Variants in GNAQ observed in about 807,000 individuals in gnomAD.
GNAQ encodes the protein guanine nucleotide-binding protein G(q) subunit alpha.
In GNAQ, 8 loss-of-function variants were observed where a neutral mutation model predicts 43.9. That is an observed-to-expected ratio of 0.18 (90% confidence interval 0.11 to 0.33). The LOEUF (loss-of-function observed/expected upper bound fraction) is 0.33. Ranked by LOEUF, GNAQ falls within the 10% of genes least tolerant of loss-of-function variation. GNAQ has a pLI of 1.00. For synonymous variants in GNAQ, 155 were observed against 170.7 expected (o/e 0.91, Z 0.71); for missense variants, 158 against 450.8 (o/e 0.35, Z 5.88).
rs543804443 is a variant in GNAQ, at chr9:77,837,718, G to T, written c.322-21948C>A. On this transcript the variant is annotated intron_variant, in intron 2 of 6. Coordinates refer to ENST00000286548, the MANE Select transcript of GNAQ (RefSeq NM_002072.5). Reference sequence around the variant, plus strand: ...TGAAAAGATGCTAAAATGAACACTGGAACTAAAAAGTAGATTGTAAAATAG... The same window carrying T: ...TGAAAAGATGCTAAAATGAACACTGTAACTAAAAAGTAGATTGTAAAATAG... Among the ~76,000 whole-genome samples the T allele has an allele frequency of 8.6e-5, 13 of 151,644 alleles. No homozygotes were observed. In the South Asian group the frequency reaches 2.5e-3, roughly 29 times the overall value.
rs541625774 is a variant in GNAQ, at chr9:77,922,361, T to C, written c.137-16A>G. On this transcript the variant is annotated splice_polypyrimidine_tract_variant and intron_variant, in intron 1 of 6. Coordinates refer to ENST00000286548, the MANE Select transcript of GNAQ (RefSeq NM_002072.5). The stretch of plus-strand genomic sequence containing the variant: ...TCTCCTGTCCCTGAAAGATGAACAA[T>C]AGCAGCTCATCAGACCACAGTGCCA... The C allele has an allele frequency of 9.4e-6, 15 of 1,594,570 alleles. No individual in the cohort carries two copies. Among genetic ancestry groups the C allele is most frequent in the African/African-American group, 6.7e-5 (5 of 74,628 alleles).
At chr9:77,882,762 G>C (rs1000813987) in intron 2 of GNAQ, among the ~76,000 whole-genome samples, 3 of 152,038 alleles carry the variant, frequency 2.0e-5, no homozygotes, top group African/African-American at 7.3e-5. Context: ...AATGACACTT[G>C]ATGGGATTTT....
intron 1 of GNAQ, among the ~76,000 whole-genome samples, chr9:77,966,828 A>G (rs951942718): frequency 6.6e-6 from 1 of 152,198 alleles, no homozygotes; most frequent in Admixed American, 6.5e-5. Flanking sequence ...TCAACAAACT[A>G]TGCTCTTGCT....
intron 1 of GNAQ, among the ~76,000 whole-genome samples, chr9:77,950,218 G>T (rs1426969984): frequency 6.6e-6 from 1 of 152,172 alleles, no homozygotes; most frequent in Non-Finnish European, 1.5e-5. Context: ...AACTCATCAT[G>T]AAATTCTCAA....
intron 5 of GNAQ, among the ~76,000 whole-genome samples, chr9:77,733,148 T>C (rs12341184): frequency 0.036 from 5,514 of 152,208 alleles, 313 homozygotes; most frequent in African/African-American, 0.12. Context: ...GAAAGATGGG[T>C]ACCTGCTCCC....
At chr9:77,809,008 CAAG>C (rs1234173459) in intron 3 of GNAQ, among the ~76,000 whole-genome samples, 1 of 152,176 alleles carries the variant, frequency 6.6e-6, no homozygotes, top group African/African-American at 2.4e-5. Flanking sequence ...ACTTCCTCTT[CAAG>C]AAGGACTGGC....
At chr9:77,831,728 T>C (rs1827300495) in intron 2 of GNAQ, among the ~76,000 whole-genome samples, 1 of 152,238 alleles carries the variant, frequency 6.6e-6, no homozygotes. Flanking sequence ...TGGACACTGC[T>C]ATATAGAGAA....
intron 5 of GNAQ, among the ~76,000 whole-genome samples, chr9:77,732,361 G>GT (rs1825507242): frequency 6.6e-6 from 1 of 151,676 alleles, no homozygotes; most frequent in Non-Finnish European, 1.5e-5. Flanking sequence ...ACTAGTAAAG[G>GT]TCCCCCTCCC....
At chr9:77,968,410 G>T (rs971429826) in intron 1 of GNAQ, among the ~76,000 whole-genome samples, 1 of 152,144 alleles carries the variant, frequency 6.6e-6, no homozygotes, top group African/African-American at 2.4e-5. Context: ...TTTCCTTTAA[G>T]TGTTTTCCAA....
intron 5 of GNAQ, among the ~76,000 whole-genome samples, chr9:77,756,329 A>T (rs550977161): frequency 6.6e-6 from 1 of 152,228 alleles, no homozygotes; most frequent in African/African-American, 2.4e-5. Context: ...ATGGTTGTGG[A>T]TTTCTGAAAA....
At chr9:77,971,937 T>C (rs563869340) in intron 1 of GNAQ, among the ~76,000 whole-genome samples, 12 of 152,138 alleles carry the variant, frequency 7.9e-5, no homozygotes, top group Non-Finnish European at 1.3e-4. Flanking sequence ...AGTTCACTCA[T>C]GACTTGACTC....
chr9:77,861,604 G>A (rs1024912120), intron 2 of GNAQ, among the ~76,000 whole-genome samples: 4 of 151,970 alleles, frequency 2.6e-5, no homozygotes, highest in African/African-American at 9.7e-5. Context: ...CAAAACAAAG[G>A]GCTACAGGCC....
intron 1 of GNAQ, among the ~76,000 whole-genome samples, chr9:77,935,620 CAT>C (rs892098819): frequency 1.3e-5 from 2 of 152,208 alleles, no homozygotes; most frequent in Non-Finnish European, 2.9e-5. Context: ...GTGTGTTCCA[CAT>C]GTGCTGTCCA....
At chr9:77,771,539 C>T (rs142895307) in intron 5 of GNAQ, among the ~76,000 whole-genome samples, 8 of 152,288 alleles carry the variant, frequency 5.3e-5, no homozygotes, top group African/African-American at 1.9e-4. Context: ...CAGGCGAAGA[C>T]AAGGATGTCT....
chr9:77,911,200 A>G (rs1828796358), intron 2 of GNAQ, among the ~76,000 whole-genome samples: 1 of 152,226 alleles, frequency 6.6e-6, no homozygotes, highest in South Asian at 2.1e-4. Context: ...ATGAAAAACA[A>G]TGCAGATAGG....
At chr9:77,838,453 A>G (rs1424500508) in intron 2 of GNAQ, among the ~76,000 whole-genome samples, 2 of 150,384 alleles carry the variant, frequency 1.3e-5, no homozygotes, top group Non-Finnish European at 3.0e-5. Context: ...AGATCCTTAA[A>G]GTAAAACGTT....
intron 2 of GNAQ, among the ~76,000 whole-genome samples, chr9:77,855,512 CTT>C (rs1345383233): frequency 1.3e-5 from 2 of 152,012 alleles, no homozygotes; most frequent in African/African-American, 4.8e-5. Context: ...ATTATGTCAT[CTT>C]TTTTTCGCCC....
chr9:77,973,012 A>AG (rs1327700540), intron 1 of GNAQ, among the ~76,000 whole-genome samples: 1 of 136,052 alleles, frequency 7.4e-6, no homozygotes, highest in African/African-American at 2.8e-5. Flanking sequence ...TAAAAAAGAA[A>AG]GGAAAAAAAA....
chr9:77,922,842 T>C (rs1829017763), intron 1 of GNAQ, among the ~76,000 whole-genome samples: 1 of 152,128 alleles, frequency 6.6e-6, no homozygotes, highest in Non-Finnish European at 1.5e-5. Flanking sequence ...TATTTTATTT[T>C]TTTTAGACAC....
Sources: gnomAD v4.1 joint callset for allele counts (sites outside exome capture counted in the v4.1 genomes callset) on GRCh38, gnomAD v4.1.1 for gene constraint, MANE v1.5 for transcripts, NCBI Gene and HGNC (gene_info 2026-07-23, HGNC 2026-07-21) for gene names.